BMAL2: variants seen among roughly 807,000 people sequenced by gnomAD.
BMAL2 encodes basic helix-loop-helix ARNT-like protein 2.
At chr12:27,344,502 A>G in the BMAL2 span, among the ~76,000 whole-genome samples, 1 of 152,228 alleles carries the variant, frequency 6.6e-6, no homozygotes, top group African/African-American at 2.4e-5. Context: ...TGAAACCCAC[A>G]GAGCAGGTTG....
chr12:27,365,150 A>G, the BMAL2 span, among the ~76,000 whole-genome samples: 2 of 152,064 alleles, frequency 1.3e-5, no homozygotes, highest in Non-Finnish European at 2.9e-5. Flanking sequence ...GAGCTCTTCT[A>G]ATATAGAATT....
At chr12:27,422,343 C>A in the BMAL2 span, 1 of 152,178 alleles carries the variant, frequency 6.6e-6, no homozygotes, top group African/African-American at 2.4e-5. Flanking sequence ...TCCCTCAGAG[C>A]CCCTCGCCAA....
chr12:27,333,177 A>G, the BMAL2 span: 1 of 1,191,736 alleles, frequency 8.4e-7, no homozygotes, highest in Non-Finnish European at 1.0e-6. Flanking sequence ...CGTCCCCGCG[A>G]CGCCAGGTCT....
the BMAL2 span, among the ~76,000 whole-genome samples, chr12:27,408,196 C>G: frequency 1.3e-5 from 2 of 152,114 alleles, no homozygotes; most frequent in Non-Finnish European, 2.9e-5. Flanking sequence ...CCTTCTGAAA[C>G]TATTCCAATC....
At chr12:27,401,625 C>T in the BMAL2 span, 1 of 1,611,176 alleles carries the variant, frequency 6.2e-7, no homozygotes, top group Non-Finnish European at 8.5e-7. Context: ...TTTCACAAAT[C>T]CTTGGACAAA....
the BMAL2 span, among the ~76,000 whole-genome samples, chr12:27,360,578 A>G: frequency 6.6e-6 from 1 of 152,074 alleles, no homozygotes; most frequent in Non-Finnish European, 1.5e-5. Flanking sequence ...AAGCAACAAC[A>G]TTAACTCAAT....
At chr12:27,380,482 C>A in the BMAL2 span, 2 of 1,495,354 alleles carry the variant, frequency 1.3e-6, no homozygotes, top group Non-Finnish European at 9.2e-7. Flanking sequence ...GTTCGCTTTG[C>A]TGTCAGCTGT....
At chr12:27,384,485 C>T in the BMAL2 span, among the ~76,000 whole-genome samples, 6 of 151,932 alleles carry the variant, frequency 3.9e-5, no homozygotes, top group African/African-American at 1.5e-4. Flanking sequence ...GTTTAGAATT[C>T]CAGAATACCC....
At chr12:27,360,571 C>T in the BMAL2 span, among the ~76,000 whole-genome samples, 1 of 151,864 alleles carries the variant, frequency 6.6e-6, no homozygotes. Context: ...AAAAATAAAG[C>T]AACAACATTA....
the BMAL2 span, among the ~76,000 whole-genome samples, chr12:27,419,693 A>G: frequency 6.6e-6 from 1 of 152,192 alleles, no homozygotes; most frequent in African/African-American, 2.4e-5. Context: ...ACTTGAAGGA[A>G]TTTGGATATC....
chr12:27,410,590 T>C, the BMAL2 span, among the ~76,000 whole-genome samples: 6,327 of 152,056 alleles, frequency 0.042, 158 homozygotes, highest in Middle Eastern at 0.075. Context: ...CACCAGGGCC[T>C]GTTGTGGGGT....
the BMAL2 span, among the ~76,000 whole-genome samples, chr12:27,391,195 C>T: frequency 6.6e-6 from 1 of 152,068 alleles, no homozygotes; most frequent in African/African-American, 2.4e-5. Context: ...CCCTTCCCTC[C>T]CTTCCCCCTC....
chr12:27,384,914 GT>G, the BMAL2 span, among the ~76,000 whole-genome samples: 1 of 152,106 alleles, frequency 6.6e-6, no homozygotes, highest in South Asian at 2.1e-4. Context: ...TTATTATAAT[GT>G]TTTTATATAT....
the BMAL2 span, among the ~76,000 whole-genome samples, chr12:27,341,791 C>A: frequency 6.6e-6 from 1 of 152,132 alleles, no homozygotes; most frequent in Non-Finnish European, 1.5e-5. Context: ...CCTTGACTTC[C>A]GATACAAACA....
At chr12:27,362,305 AG>A in the BMAL2 span, among the ~76,000 whole-genome samples, 1 of 152,176 alleles carries the variant, frequency 6.6e-6, no homozygotes, top group Non-Finnish European at 1.5e-5. Flanking sequence ...CTCATGTGGT[AG>A]GTGGTGATCC....
the BMAL2 span, among the ~76,000 whole-genome samples, chr12:27,405,867 A>T: frequency 1.3e-5 from 2 of 152,222 alleles, no homozygotes; most frequent in Admixed American, 1.3e-4. Flanking sequence ...ATGAATGGCT[A>T]ACAAGAATAA....
At chr12:27,417,819 C>A in the BMAL2 span, among the ~76,000 whole-genome samples, 1 of 151,774 alleles carries the variant, frequency 6.6e-6, no homozygotes, top group Non-Finnish European at 1.5e-5. Context: ...CGGTGAAACC[C>A]CATCTCTACT....
At chr12:27,403,485 A>G in the BMAL2 span, 2 of 1,612,158 alleles carry the variant, frequency 1.2e-6, no homozygotes, top group Non-Finnish European at 1.7e-6. Flanking sequence ...CTGGAACAGT[A>G]CTTGGTGCTG....
the BMAL2 span, among the ~76,000 whole-genome samples, chr12:27,349,009 C>T: frequency 6.6e-6 from 1 of 152,206 alleles, no homozygotes; most frequent in Non-Finnish European, 1.5e-5. Flanking sequence ...TAGGAGATAA[C>T]ATCTGACTTT....
Sources: allele counts gnomAD v4.1 joint callset (sites outside exome capture counted in the v4.1 genomes callset), GRCh38; gene constraint gnomAD v4.1.1; transcripts MANE v1.5; gene names NCBI Gene and HGNC (gene_info 2026-07-23, HGNC 2026-07-21).